The following PCCA variants were observed in gnomAD, a reference collection of about 807,000 sequenced individuals.
PCCA encodes the protein propionyl-CoA carboxylase subunit alpha, also known as propionyl-CoA carboxylase alpha chain, mitochondrial.
In PCCA, 74 loss-of-function variants were observed where a neutral mutation model predicts 101.3. The observed-to-expected ratio is 0.73, with a 90% confidence interval of 0.61 to 0.89. The LOEUF is 0.89. Ranked by LOEUF, PCCA falls within the 40% of genes least tolerant of loss-of-function variation. The probability of loss-of-function intolerance (pLI) is 0.00; values close to 1 mark genes in which losing one functional copy is unlikely to be tolerated. For missense variants in PCCA, 891 were observed against 907.0 expected (o/e 0.98, Z 0.23); for synonymous variants, 294 against 313.6 (o/e 0.94, Z 0.66).
chr13:100,249,421 C>A (rs920668798), intron 8 of PCCA, among the ~76,000 whole-genome samples: 15 of 152,148 alleles, frequency 9.9e-5, no homozygotes, highest in Admixed American at 2.0e-4. Flanking sequence ...GGGTCTACTT[C>A]TGGGCTCTTG....
At chr13:100,455,648 C>T (rs1337988707) in intron 21 of PCCA, among the ~76,000 whole-genome samples, 11 of 151,958 alleles carry the variant, frequency 7.2e-5, no homozygotes, top group Admixed American at 5.2e-4. Context: ...CACTACTACC[C>T]GAAGCATTTT....
chr13:100,524,745 A>G (rs1307021848), intron 22 of PCCA, among the ~76,000 whole-genome samples: 1 of 152,006 alleles, frequency 6.6e-6, no homozygotes, highest in Non-Finnish European at 1.5e-5. Flanking sequence ...GGTGGTGCAC[A>G]CCTGTATTCC....
intron 8 of PCCA, among the ~76,000 whole-genome samples, chr13:100,241,062 AT>A (rs1430466486): frequency 6.6e-6 from 1 of 152,180 alleles, no homozygotes; most frequent in Non-Finnish European, 1.5e-5. Flanking sequence ...TCAGATTTTT[AT>A]ACTAAAGATT....
intron 19 of PCCA, among the ~76,000 whole-genome samples, chr13:100,372,352 AAAAACAAAAC>A (rs139660296): frequency 5.3e-5 from 8 of 150,090 alleles, no homozygotes; most frequent in South Asian, 2.1e-4. Context: ...ACCCTGTCTC[AAAAACAAAAC>A]AAAACAAAAC....
chr13:100,287,383 A>G (rs2064759191), intron 12 of PCCA, among the ~76,000 whole-genome samples: 2 of 152,104 alleles, frequency 1.3e-5, no homozygotes, highest in South Asian at 2.1e-4. Flanking sequence ...TCTCTGGACT[A>G]TTAGATAAAT....
At chr13:100,510,118 A>G (rs2152994699) in intron 21 of PCCA, among the ~76,000 whole-genome samples, 1 of 152,326 alleles carries the variant, frequency 6.6e-6, no homozygotes, top group Middle Eastern at 3.4e-3. Flanking sequence ...TTTAAAAAGG[A>G]ATGTAAAATT....
At chr13:100,306,944 A>G (rs779335985) in intron 14 of PCCA, among the ~76,000 whole-genome samples, 24 of 152,212 alleles carry the variant, frequency 1.6e-4, no homozygotes, top group Non-Finnish European at 3.5e-4. Context: ...GTGATGTAGG[A>G]AGTCTTCATT....
chr13:100,235,938 C>G (rs980168066), intron 8 of PCCA, 60 bp downstream of exon 8: 9 of 1,018,156 alleles, frequency 8.8e-6, no homozygotes, highest in Non-Finnish European at 1.3e-5. Context: ...ACGGTTGAGT[C>G]AACAGGTAAT....
intron 6 of PCCA, among the ~76,000 whole-genome samples, chr13:100,159,711 A>G (rs1268982251): frequency 6.6e-6 from 1 of 151,980 alleles, no homozygotes; most frequent in Admixed American, 6.6e-5. Flanking sequence ...CTATTTCCCC[A>G]TTTCCCTTTT....
At chr13:100,230,108 G>A (rs2060375846) in intron 7 of PCCA, among the ~76,000 whole-genome samples, 1 of 152,180 alleles carries the variant, frequency 6.6e-6, no homozygotes, top group Admixed American at 6.5e-5. Flanking sequence ...AAACTCTGGG[G>A]ATTTAGTAGA....
At chr13:100,151,221 T>C in intron 4 of PCCA, 1 of 606,860 alleles carries the variant, frequency 1.6e-6, no homozygotes, top group Non-Finnish European at 2.9e-6. Context: ...GTTCTAGTTA[T>C]TTGGAAATTA....
intron 21 of PCCA, among the ~76,000 whole-genome samples, chr13:100,457,598 A>T (rs2081841746): frequency 6.6e-6 from 1 of 152,224 alleles, no homozygotes; most frequent in Admixed American, 6.5e-5. Flanking sequence ...AGGAGCTCTG[A>T]GTTTAGAGAA....
chr13:100,416,227 C>T (rs1011600756), intron 19 of PCCA, among the ~76,000 whole-genome samples: 29 of 151,042 alleles, frequency 1.9e-4, no homozygotes, highest in African/African-American at 5.8e-4. Context: ...CTCGCTCTGT[C>T]GCCCAGGCTG....
intron 19 of PCCA, among the ~76,000 whole-genome samples, chr13:100,388,709 C>T (rs978237686): frequency 3.3e-5 from 5 of 152,110 alleles, no homozygotes; most frequent in South Asian, 2.1e-4. Flanking sequence ...GGCGGAGAAT[C>T]GTTTGAACCT....
intron 6 of PCCA, among the ~76,000 whole-genome samples, chr13:100,198,914 ATTTTTT>A (rs55731223): frequency 2.1e-5 from 3 of 143,944 alleles, no homozygotes; most frequent in Admixed American, 6.9e-5. Flanking sequence ...GTACTTTACA[ATTTTTT>A]TTTTTTTTTT....
At chr13:100,443,588 G>A (rs2080542595) in intron 20 of PCCA, among the ~76,000 whole-genome samples, 1 of 151,884 alleles carries the variant, frequency 6.6e-6, no homozygotes, top group South Asian at 2.1e-4. Context: ...TGCTTTTGCA[G>A]TTTTTGTCGT....
chr13:100,314,673 G>A (rs935863256), intron 16 of PCCA, among the ~76,000 whole-genome samples: 1 of 152,196 alleles, frequency 6.6e-6, no homozygotes, highest in African/African-American at 2.4e-5. Context: ...GTATAATCAT[G>A]AGGAAACATC....
At chr13:100,286,438 T>A (rs2064663027) in intron 12 of PCCA, among the ~76,000 whole-genome samples, 1 of 152,134 alleles carries the variant, frequency 6.6e-6, no homozygotes, top group Non-Finnish European at 1.5e-5. Flanking sequence ...GGGTGAGTGC[T>A]TTGGCGGGAG....
intron 6 of PCCA, among the ~76,000 whole-genome samples, chr13:100,178,527 G>T (rs1458406168): frequency 2.0e-5 from 3 of 152,124 alleles, no homozygotes; most frequent in African/African-American, 7.2e-5. Context: ...TTTTGAGAGT[G>T]GTCTGCTGTA....
Sources: allele counts gnomAD v4.1 joint callset (sites outside exome capture counted in the v4.1 genomes callset), GRCh38; gene constraint gnomAD v4.1.1; transcripts MANE v1.5; gene names NCBI Gene and HGNC (gene_info 2026-07-23, HGNC 2026-07-21).